PCDHAC1: variants seen among roughly 807,000 people sequenced by gnomAD.
The protein encoded by PCDHAC1 is protocadherin alpha subfamily C, 1.
A neutral mutation model predicts 60.0 loss-of-function variants in PCDHAC1; 42 were observed. The ratio of observed to expected loss-of-function variants is 0.70; its 90% CI spans 0.55 to 0.90. PCDHAC1 has a LOEUF of 0.90. Among genes scored for constraint, PCDHAC1 ranks in the 40% least tolerant of loss-of-function variants. The probability of loss-of-function intolerance (pLI) is 0.00; values close to 1 mark genes in which losing one functional copy is unlikely to be tolerated. For missense variants in PCDHAC1, 1,160 were observed against 1,222.3 expected, an observed-to-expected ratio of 0.95 and a Z score of 0.76; for synonymous variants, 468 against 499.3, an observed-to-expected ratio of 0.94 and a Z score of 0.84.
intron 1 of PCDHAC1, among the ~76,000 whole-genome samples, chr5:140,961,590 A>C (rs1554225489): frequency 2.0e-5 from 3 of 152,100 alleles, no homozygotes; most frequent in Non-Finnish European, 4.4e-5. Flanking sequence ...TATTTTGGCA[A>C]TGATTCTAGT....
chr5:141,001,489 T>C (rs2098020927), intron 3 of PCDHAC1, among the ~76,000 whole-genome samples: 3 of 152,236 alleles, frequency 2.0e-5, no homozygotes. Context: ...GTGCTGGAAA[T>C]GCTAGCCCAG....
intron 1 of PCDHAC1, among the ~76,000 whole-genome samples, chr5:140,944,025 A>C (rs981840753): frequency 6.6e-6 from 1 of 152,236 alleles, no homozygotes; most frequent in Admixed American, 6.5e-5. Flanking sequence ...AATTATCTTC[A>C]AAATATGGAA....
intron 1 of PCDHAC1, 100 bp downstream of exon 1, chr5:140,929,425 A>G (rs2086148550): frequency 6.7e-7 from 1 of 1,496,844 alleles, no homozygotes. Context: ...CATTTCATCA[A>G]TTGAACTAAA....
At chr5:140,930,902 T>C (rs1474835953) in intron 1 of PCDHAC1, among the ~76,000 whole-genome samples, 1 of 152,212 alleles carries the variant, frequency 6.6e-6, no homozygotes, top group Non-Finnish European at 1.5e-5. Flanking sequence ...TTTAACTTAC[T>C]TTTCTACTTT....
At chr5:140,969,919 T>C (rs773906362) in intron 1 of PCDHAC1, among the ~76,000 whole-genome samples, 1 of 152,198 alleles carries the variant, frequency 6.6e-6, no homozygotes, top group South Asian at 2.1e-4. Flanking sequence ...GATAAAGCTG[T>C]AGTATTTAGA....
intron 1 of PCDHAC1, among the ~76,000 whole-genome samples, chr5:140,939,255 A>T (rs1032457788): frequency 2.6e-5 from 4 of 152,060 alleles, no homozygotes; most frequent in Non-Finnish European, 4.4e-5. Context: ...GCTCTCTGGA[A>T]CCTCTTTTAT....
In PCDHAC1 at chr5:140,929,128, A is replaced by G. The variant is rs142487298; in HGVS notation, c.2236A>G (p.Thr746Ala). The change falls in exon 1 of 4, where the codon ACA becomes GCA. Residue 746 changes from threonine to alanine, a missense_variant. By Grantham distance (58) the Thr-to-Ala change is moderately conservative. Transcript: ENST00000253807. ...CMTSATIDVTTVERLSQTYLY... is the reference protein window; with the variant it reads ...CMTSATIDVTAVERLSQTYLY... Reference sequence around the variant, plus strand: ...GACATCAGCCACCATAGATGTCACTACAGTTGAGAGACTTTCTCAGACTTA... The same window carrying G: ...GACATCAGCCACCATAGATGTCACTGCAGTTGAGAGACTTTCTCAGACTTA... The G allele has an allele frequency of 8.1e-6, 13 of 1,614,054 alleles. No individual in the cohort carries two copies. In the African/African-American group the frequency reaches 1.5e-4, roughly 18 times the overall value.
chr5:140,944,419 T>C (rs2093656334), intron 1 of PCDHAC1, among the ~76,000 whole-genome samples: 2 of 152,184 alleles, frequency 1.3e-5, no homozygotes, highest in South Asian at 4.1e-4. Flanking sequence ...ACTCCTGATC[T>C]GAAGTGGTCT....
chr5:140,927,876 G>A lies in PCDHAC1; in HGVS notation c.984G>A (p.Val328=), dbSNP rs782412797. ...FGLASTAKLL[V]EVTDVNDHAP... ...TAGCTAGCACCGCTAAACTGCTGGT[G>A]GAGGTGACTGACGTGAACGATCATG... Residue 328 remains valine, a synonymous_variant, in exon 1 of 4, where the codon GTG becomes GTA. Transcript: ENST00000253807. The A allele has an allele frequency of 1.9e-6, 3 of 1,614,202 alleles. No individual in the cohort carries two copies. The South Asian group carries it at 3.3e-5, about 18-fold the overall frequency.
At chr5:140,979,537 A>G (rs538323100) in intron 2 of PCDHAC1, among the ~76,000 whole-genome samples, 1 of 152,332 alleles carries the variant, frequency 6.6e-6, no homozygotes, top group East Asian at 1.9e-4. Context: ...ATTGTCATCA[A>G]TGACATGGTT....
At chr5:140,994,188 G>T (rs1156320589) in intron 3 of PCDHAC1, among the ~76,000 whole-genome samples, 1 of 152,080 alleles carries the variant, frequency 6.6e-6, no homozygotes, top group Non-Finnish European at 1.5e-5. Flanking sequence ...AAACCACCAG[G>T]GCCTGTTGGT....
At chr5:141,008,707 T>C (rs1255261995) in intron 3 of PCDHAC1, among the ~76,000 whole-genome samples, 1 of 152,216 alleles carries the variant, frequency 6.6e-6, no homozygotes, top group Non-Finnish European at 1.5e-5. Flanking sequence ...TGGTTTCTAG[T>C]TGCTTGAGTG....
chr5:140,957,948 G>C (rs2153715688), intron 1 of PCDHAC1, among the ~76,000 whole-genome samples: 1 of 152,152 alleles, frequency 6.6e-6, no homozygotes, highest in Non-Finnish European at 1.5e-5. Flanking sequence ...AGATCTTTAA[G>C]ACTATTAATT....
Position 140,928,165 on chromosome 5 carries a change from C to T in PCDHAC1, c.1273C>T (p.Leu425Phe), listed in dbSNP as rs1554205580. 3 of 1,614,200 alleles carry T rather than the reference C, an allele frequency of 1.9e-6. No homozygotes were observed. Among genetic ancestry groups the T allele is most frequent in the East Asian group, 2.2e-5 (1 of 44,876 alleles). Residue 425 changes from leucine (L) to phenylalanine (F), a missense_variant, in exon 1 of 4, where the codon CTT becomes TTT. Physicochemically the swap from Leu to Phe is conservative, Grantham distance 22 (BLOSUM62 0). This residue lies in a region of PCDHAC1 where 1,113 missense variants were observed against 1,163.7 expected (regional missense o/e 0.96). Coordinates refer to ENST00000253807, the MANE Select transcript of PCDHAC1 (RefSeq NM_018898.5). The part of the protein sequence containing the change: ...ITASDSGSPP[L>F]STRRTITVSV... ...GGCCTCAGATAGTGGCTCACCCCCA[C>T]TTAGCACCCGAAGGACAATCACTGT...
chr5:140,970,834 T>C lies in PCDHAC1; in HGVS notation c.2434-8115T>C, dbSNP rs566411727. 8.6e-5 allele frequency among the ~76,000 whole-genome samples: 13 copies of C among 151,290 alleles called. No homozygotes were observed. The South Asian group carries it at 1.2e-3, about 14-fold the overall frequency. ...AAGTTCATGGTAATCTTGAGGAATG[T>C]AATGCACAGGCACAAAAGTTCCATT... On this transcript the variant is annotated intron_variant, in intron 1 of 3. Transcript: ENST00000253807.
At chr5:140,968,211 A>G (rs1039283745) in intron 1 of PCDHAC1, 1 of 1,614,002 alleles carries the variant, frequency 6.2e-7, no homozygotes. Context: ...CAGGAGAACA[A>G]TTTGCCAGGT....
chr5:140,968,029 G>C (rs1554230214), intron 1 of PCDHAC1: 4 of 1,614,170 alleles, frequency 2.5e-6, no homozygotes, highest in South Asian at 2.2e-5. Context: ...CCTATACACT[G>C]GTGGTGAGCG....
intron 1 of PCDHAC1, chr5:140,969,419 T>C: frequency 6.4e-7 from 1 of 1,563,564 alleles, no homozygotes; most frequent in Non-Finnish European, 8.7e-7. Flanking sequence ...ATTGAGTCAT[T>C]AACAGTGACA....
chr5:140,967,927 C>T (rs782426020), intron 1 of PCDHAC1: 3 of 1,614,228 alleles, frequency 1.9e-6, no homozygotes, highest in Non-Finnish European at 2.5e-6. Context: ...TGGCCGTTCT[C>T]AGTGTCAATG....
Sources: allele counts gnomAD v4.1 joint callset (sites outside exome capture counted in the v4.1 genomes callset), GRCh38; gene constraint gnomAD v4.1.1; regional missense constraint gnomAD v4.1.1; transcripts MANE v1.5; gene names NCBI Gene and HGNC (gene_info 2026-07-23, HGNC 2026-07-21).